NUP210: variants seen among roughly 807,000 people sequenced by gnomAD.
The protein encoded by NUP210 is nucleoporin 210.
In NUP210, 151 loss-of-function variants were observed where a neutral mutation model predicts 196.0. That is an observed-to-expected ratio of 0.77 (90% confidence interval 0.67 to 0.88). The LOEUF (loss-of-function observed/expected upper bound fraction) is 0.88, where lower values mean the gene tolerates loss of function less well. Ranked by LOEUF, NUP210 falls within the 40% of genes least tolerant of loss-of-function variation. The probability of loss-of-function intolerance (pLI) is 0.00; values close to 1 mark genes in which losing one functional copy is unlikely to be tolerated. For synonymous variants in NUP210, 1,070 were observed against 1,052.7 expected, an observed-to-expected ratio of 1.02 and a Z score of -0.32; for missense variants, 2,314 against 2,493.7, an observed-to-expected ratio of 0.93 and a Z score of 1.53.
At chr3:13,328,972 G>A (rs138369184) in intron 30 of NUP210, 26 bp from the exon 31 acceptor site, 2 of 1,606,056 alleles carry the variant, frequency 1.2e-6, no homozygotes, top group Non-Finnish European at 1.7e-6. Context: ...CAGGTATGAT[G>A]AGGATTCAGT....
chr3:13,352,124 C>T lies in NUP210; in HGVS notation c.2689G>A (p.Val897Met), dbSNP rs1697998252. 2 of 1,613,962 alleles carry T rather than the reference C, an allele frequency of 1.2e-6. No individual in the cohort carries two copies. Among genetic ancestry groups the T allele is most frequent in the South Asian group, 2.2e-5 (2 of 91,070 alleles). ...TAGATGGTCACCTCTTCTGGGCTCA[C>T]CCTCACGTCCTCCACCAGGATGAGC... ...IELILVEDVR[V>M]SPEEVTIYNH... is the part of the protein sequence containing the mutation. Residue 897 changes from valine to methionine, a missense_variant, in exon 19 of 40, where the codon GTG becomes ATG. Val to Met is a conservative substitution (Grantham distance 21). Coordinates refer to ENST00000254508, the MANE Select transcript of NUP210 (RefSeq NM_024923.4).
At chr3:13,416,931 C>A (rs1383026098) in intron 1 of NUP210, among the ~76,000 whole-genome samples, 1 of 152,224 alleles carries the variant, frequency 6.6e-6, no homozygotes, top group African/African-American at 2.4e-5. Flanking sequence ...GGCATGATTT[C>A]TTTTTCGTCT....
At chr3:13,393,121 A>G in intron 3 of NUP210, among the ~76,000 whole-genome samples, 1 of 152,214 alleles carries the variant, frequency 6.6e-6, no homozygotes, top group East Asian at 1.9e-4. Flanking sequence ...GCTCAGCTCC[A>G]AGCATGGCTT....
intron 35 of NUP210, 80 bp downstream of exon 35, chr3:13,322,113 T>C: frequency 1.3e-6 from 2 of 1,524,260 alleles, no homozygotes; most frequent in Non-Finnish European, 1.8e-6. Context: ...CATGGTGAGC[T>C]GGGCACGTGG....
intron 1 of NUP210, among the ~76,000 whole-genome samples, chr3:13,400,999 T>C (rs1207373707): frequency 6.6e-6 from 1 of 152,016 alleles, no homozygotes; most frequent in Admixed American, 6.5e-5. Flanking sequence ...GGCTCATGCC[T>C]GTAATCCCAG....
intron 12 of NUP210, among the ~76,000 whole-genome samples, chr3:13,373,487 C>G (rs1412844133): frequency 6.6e-6 from 1 of 152,174 alleles, no homozygotes; most frequent in Admixed American, 6.5e-5. Context: ...CTCCAGAAAC[C>G]CAGCTCTGTG....
chr3:13,355,381 C>T (rs1336211795), intron 16 of NUP210, among the ~76,000 whole-genome samples: 1 of 152,212 alleles, frequency 6.6e-6, no homozygotes, highest in Non-Finnish European at 1.5e-5. Context: ...TCCACAGTGG[C>T]ACCTGCCATG....
intron 18 of NUP210, among the ~76,000 whole-genome samples, chr3:13,352,816 G>T (rs1184130832): frequency 1.3e-5 from 2 of 152,144 alleles, no homozygotes; most frequent in Non-Finnish European, 2.9e-5. Flanking sequence ...TCAATGACAG[G>T]AAGGTGTGCA....
At chr3:13,411,574 C>A (rs917468021) in intron 1 of NUP210, among the ~76,000 whole-genome samples, 7 of 152,110 alleles carry the variant, frequency 4.6e-5, no homozygotes, top group East Asian at 1.9e-4. Flanking sequence ...CCCCACATCT[C>A]CTCTGCAACA....
In NUP210 at chr3:13,379,782, A is replaced by T; in HGVS notation, c.818-61T>A. 1 of 1,438,276 alleles carries T rather than the reference A, an allele frequency of 7.0e-7. No individual in the cohort carries two copies. The highest frequency in any genetic ancestry group is 9.4e-7 in the Non-Finnish European group (1 of 1,068,954). The allele number at this position is 1,438,276 out of a possible 1,614,324, so 89.1% of individuals were successfully genotyped here. On this transcript the variant is annotated intron_variant, in intron 6 of 39. Coordinates refer to ENST00000254508, the MANE Select transcript of NUP210 (RefSeq NM_024923.4). This position sits in a 1 kb window ranked among gnomAD's most constrained non-coding sequence, Gnocchi z 4.2. ...GAGAGCAAAGACAGGAAATGTTAGA[A>T]GCCAATACACTCCCACTGCCACCCC...
chr3:13,335,672 G>A, intron 27 of NUP210, 60 bp from the exon 28 acceptor site: 1 of 1,579,916 alleles, frequency 6.3e-7, no homozygotes, highest in South Asian at 1.1e-5. Flanking sequence ...TCCTCAAAAA[G>A]GCAGAGCCGG....
At position 13,340,703 on chromosome 3, in the gene NUP210, G is replaced by A. The variant is rs1697441098; in HGVS notation, c.3229-405C>T. Among the ~76,000 whole-genome samples the A allele has an allele frequency of 6.6e-6, 1 of 152,158 alleles. No homozygotes were observed. The highest frequency in any genetic ancestry group is 1.5e-5 in the Non-Finnish European group (1 of 68,008). On this transcript the variant is annotated intron_variant, in intron 23 of 39. Coordinates refer to ENST00000254508, the MANE Select transcript of NUP210 (RefSeq NM_024923.4). The surrounding 1 kb of genome is among the most constrained non-coding windows in gnomAD (Gnocchi z 4.0). ...ATGTACAGCCCCAGCCACCTGGCCT[G>A]TGGAGCCAGGGGTGGCCCCACAGGA...
At chr3:13,418,787 C>A (rs1397309742) in intron 1 of NUP210, among the ~76,000 whole-genome samples, 1 of 151,160 alleles carries the variant, frequency 6.6e-6, no homozygotes, top group Non-Finnish European at 1.5e-5. Flanking sequence ...GGAGTGCACT[C>A]TAAAAACAAA....
At chr3:13,339,745 A>C in intron 25 of NUP210, 109 bp downstream of exon 25, 2 of 1,016,796 alleles carry the variant, frequency 2.0e-6, no homozygotes, top group South Asian at 2.8e-5. Context: ...CCCAGGGGGC[A>C]GAAGCAGCAC....
chr3:13,388,469 G>A lies in NUP210; in HGVS notation c.534-16C>T, dbSNP rs771284106. 66 of 1,581,548 alleles carry A rather than the reference G, an allele frequency of 4.2e-5. No individual in the cohort carries two copies. The South Asian group carries it at 4.7e-4, about 11-fold the overall frequency. On this transcript the variant is annotated splice_polypyrimidine_tract_variant and intron_variant, in intron 4 of 39. Transcript: ENST00000254508. ...AGTGAGGATTCTGGAAAAGGAGCACGTTGTCAAAGTTTGTTGATCAAACCC... is the reference window on the plus strand; with the variant it reads ...AGTGAGGATTCTGGAAAAGGAGCACATTGTCAAAGTTTGTTGATCAAACCC...
Position 13,373,824 on chromosome 3 carries a change from A to G in NUP210, c.1481T>C (p.Val494Ala). The G allele has an allele frequency of 6.2e-7, 1 of 1,614,092 alleles. No individual in the cohort carries two copies. The highest frequency in any genetic ancestry group is 1.1e-5 in the South Asian group (1 of 91,048). ...CACGCCCTTGACAGTAACTGTGGCAACCAGGTGGCTTGACGAAGACCAGCT... is the reference window on the plus strand; with the variant it reads ...CACGCCCTTGACAGTAACTGTGGCAGCCAGGTGGCTTGACGAAGACCAGCT... ...NFSWSSSSHL[V>A]ATVTVKGVMT... Residue 494 changes from valine to alanine, a missense_variant, in exon 12 of 40, where the codon GTT (valine) becomes GCT (alanine). Transcript: ENST00000254508.
At chr3:13,396,305 A>AT (rs918921256) in intron 3 of NUP210, among the ~76,000 whole-genome samples, 1 of 152,028 alleles carries the variant, frequency 6.6e-6, no homozygotes, top group Non-Finnish European at 1.5e-5. Context: ...TGATCCAGAA[A>AT]TTTTTTTTCA....
chr3:13,412,129 C>T (rs1182429455), intron 1 of NUP210, among the ~76,000 whole-genome samples: 1 of 152,076 alleles, frequency 6.6e-6, no homozygotes, highest in African/African-American at 2.4e-5. Context: ...TCATGGATCA[C>T]TGCAGCCTTG....
In NUP210 at chr3:13,340,217, G is replaced by T. The variant is rs775640338; in HGVS notation, c.3291+19C>A. ...GCCTGCACTGGGGCTGGAGCAGGAC[G>T]TGGCCTCTTGGCTCTCACCTGCATC... On this transcript the variant is annotated intron_variant, in intron 24 of 39. Coordinates refer to ENST00000254508, the MANE Select transcript of NUP210 (RefSeq NM_024923.4). The surrounding 1 kb of genome is among the most constrained non-coding windows in gnomAD (Gnocchi z 4.0). The T allele has an allele frequency of 6.2e-7, 1 of 1,613,124 alleles. No homozygotes were observed.
Sources: allele counts gnomAD v4.1 joint callset (sites outside exome capture counted in the v4.1 genomes callset), GRCh38; gene constraint gnomAD v4.1.1; non-coding constraint Gnocchi (gnomAD v3.1); transcripts MANE v1.5; gene names NCBI Gene and HGNC (gene_info 2026-07-23, HGNC 2026-07-21).